The following SYNJ1 variants were observed in gnomAD, a reference collection of about 807,000 sequenced individuals.
The protein encoded by SYNJ1 is polyphosphatidylinositol phosphatase SYNJ1.
Under a neutral mutation model 168.2 loss-of-function variants are expected in SYNJ1, and 78 were observed. The ratio of observed to expected loss-of-function variants is 0.46; its 90% CI spans 0.39 to 0.56. The LOEUF (loss-of-function observed/expected upper bound fraction) is 0.56. Ranked by LOEUF, SYNJ1 falls within the 20% of genes least tolerant of loss-of-function variation. The pLI, the probability that SYNJ1 is intolerant of heterozygous loss-of-function variation, is 0.00. For missense variants in SYNJ1, 1,303 were observed against 1,597.6 expected (o/e 0.82, Z 3.14); for synonymous variants, 539 against 548.6 (o/e 0.98, Z 0.24).
chr21:32,721,943 T>C (rs1157924061), intron 2 of SYNJ1, among the ~76,000 whole-genome samples: 1 of 151,944 alleles, frequency 6.6e-6, no homozygotes, highest in African/African-American at 2.4e-5. Flanking sequence ...CCCAGCACTT[T>C]GGGAGGCCAA....
intron 15 of SYNJ1, among the ~76,000 whole-genome samples, chr21:32,668,901 C>T (rs1347002012): frequency 6.6e-6 from 1 of 152,038 alleles, no homozygotes; most frequent in Non-Finnish European, 1.5e-5. Context: ...GCAAAAGCAA[C>T]AATGGGTAAA....
At chr21:32,722,366 A>G (rs1459481987) in intron 2 of SYNJ1, among the ~76,000 whole-genome samples, 3 of 151,996 alleles carry the variant, frequency 2.0e-5, no homozygotes, top group Admixed American at 6.6e-5. Flanking sequence ...CCTGGCCAAC[A>G]TGGTGAAGCC....
intron 2 of SYNJ1, 21 bp downstream of exon 2, chr21:32,726,751 G>A (rs749048502): frequency 3.1e-6 from 5 of 1,611,744 alleles, no homozygotes; most frequent in Non-Finnish European, 3.4e-6. Flanking sequence ...ATGACAAATT[G>A]GGCTCTAACA....
chr21:32,705,745 G>A (rs2042583657), intron 2 of SYNJ1, among the ~76,000 whole-genome samples: 1 of 152,080 alleles, frequency 6.6e-6, no homozygotes, highest in Non-Finnish European at 1.5e-5. Context: ...CAGCACTTCG[G>A]GAAGCTGATG....
At chr21:32,653,465 G>T (rs2040348493) in intron 21 of SYNJ1, 99 bp from the exon 22 acceptor site, 1 of 952,970 alleles carries the variant, frequency 1.0e-6, no homozygotes, top group Admixed American at 2.3e-5. Flanking sequence ...GGCCACAAGA[G>T]GCCAGGAAGT....
chr21:32,700,917 G>T (rs2042377416), intron 3 of SYNJ1, among the ~76,000 whole-genome samples: 1 of 152,094 alleles, frequency 6.6e-6, no homozygotes, highest in African/African-American at 2.4e-5. Flanking sequence ...CTTTCACAGA[G>T]ATTTTTTTCA....
intron 18 of SYNJ1, among the ~76,000 whole-genome samples, chr21:32,661,146 AG>A (rs1258186053): frequency 6.6e-6 from 1 of 152,222 alleles, no homozygotes; most frequent in African/African-American, 2.4e-5. Context: ...AGTTGCTGAG[AG>A]CCACAGTCGT....
At chr21:32,678,615 A>C in intron 12 of SYNJ1, 30 bp downstream of exon 12, 1 of 1,515,610 alleles carries the variant, frequency 6.6e-7, no homozygotes, top group African/African-American at 1.7e-5. Context: ...TAGGAATATA[A>C]ATAACAAATA....
At chr21:32,721,569 CT>C (rs886262744) in intron 2 of SYNJ1, among the ~76,000 whole-genome samples, 7 of 151,850 alleles carry the variant, frequency 4.6e-5, no homozygotes, top group African/African-American at 1.7e-4. Flanking sequence ...GTCCCAGCTA[CT>C]CAGGAGGCTG....
chr21:32,670,063 C>A (rs2041129130), intron 15 of SYNJ1, among the ~76,000 whole-genome samples: 1 of 152,004 alleles, frequency 6.6e-6, no homozygotes, highest in Non-Finnish European at 1.5e-5. Context: ...CCTAATATAA[C>A]AAAGATATAA....
At position 32,639,188 on chromosome 21, in the gene SYNJ1, T is replaced by A. The variant is rs916967434; in HGVS notation, c.3698-63A>T. ...TAGAAAACCATGTTTTTTTCCTTCTTTAGTGAAATGTTAGGAGAACATTCT... is the reference window on the plus strand; with the variant it reads ...TAGAAAACCATGTTTTTTTCCTTCTATAGTGAAATGTTAGGAGAACATTCT... On this transcript the variant is annotated intron_variant, in intron 30 of 32. Transcript: ENST00000674351. 2.1e-6 allele frequency: 3 copies of A among 1,460,318 alleles called. No homozygotes were observed. The African/African-American group carries it at 4.2e-5, about 21-fold the overall frequency. 90.5% of individuals were successfully genotyped at this position (1,460,318 alleles called of 1,614,324 possible). A position where few individuals can be genotyped will look rare whatever the true frequency, so the allele number is the denominator to read the frequency against.
intron 11 of SYNJ1, 97 bp downstream of exon 11, chr21:32,681,399 T>C (rs1601402681): frequency 2.2e-6 from 3 of 1,373,962 alleles, no homozygotes; most frequent in African/African-American, 2.9e-5. Context: ...CATCTATTAA[T>C]TTAAACCATC....
intron 4 of SYNJ1, among the ~76,000 whole-genome samples, chr21:32,699,563 G>A (rs116786380): frequency 1.5e-3 from 231 of 152,216 alleles, no homozygotes; most frequent in African/African-American, 5.0e-3. Context: ...GAGGAGTTCC[G>A]GGGCATTCTT....
chr21:32,643,283 GAGA>G, intron 27 of SYNJ1, 124 bp downstream of exon 27: 1 of 920,526 alleles, frequency 1.1e-6, no homozygotes, highest in Non-Finnish European at 1.7e-6. Context: ...GGAGGGGAAA[GAGA>G]AGTTTACAGC....
At chr21:32,660,624 C>T (rs1099464) in intron 18 of SYNJ1, among the ~76,000 whole-genome samples, 82,640 of 138,376 alleles carry the variant, frequency 0.6, 21,870 homozygotes, top group East Asian at 0.62. Context: ...TAACTTTGAA[C>T]GCTGTCATTG....
intron 2 of SYNJ1, among the ~76,000 whole-genome samples, chr21:32,725,803 C>T (rs11701149): frequency 0.24 from 36,605 of 151,944 alleles, 4,493 homozygotes; most frequent in East Asian, 0.35. Context: ...GATTATTTGC[C>T]TAAATCATAT....
chr21:32,693,308 T>C (rs548665417), intron 6 of SYNJ1, among the ~76,000 whole-genome samples: 3 of 152,294 alleles, frequency 2.0e-5, no homozygotes, highest in Non-Finnish European at 4.4e-5. Flanking sequence ...GATATATCTA[T>C]TTACGTTATC....
Position 32,631,115 on chromosome 21 carries a change from C to G in SYNJ1, c.*690G>C. 1.2e-6 allele frequency: 2 copies of G among 1,614,138 alleles called. No homozygotes were observed. Among genetic ancestry groups the G allele is most frequent in the Non-Finnish European group, 1.7e-6 (2 of 1,180,022 alleles). On this transcript the variant is annotated 3_prime_UTR_variant, in exon 33 of 33. Transcript: ENST00000674351. Reference sequence around the variant, plus strand: ...CAGGAGGTGGAGGAGGTCTTCTTGACGGCAACACACAGAAGGAGACATTTG... The same window carrying G: ...CAGGAGGTGGAGGAGGTCTTCTTGAGGGCAACACACAGAAGGAGACATTTG...
Position 32,699,467 on chromosome 21 carries a change from T to A in SYNJ1, c.479+371A>T, listed in dbSNP as rs114779912. Among the ~76,000 whole-genome samples, 180 of 152,290 alleles carry A rather than the reference T, an allele frequency of 1.2e-3. 1 individual carries two copies. Among genetic ancestry groups the A allele is most frequent in the African/African-American group, 4.2e-3 (173 of 41,554 alleles). On this transcript the variant is annotated intron_variant, in intron 4 of 32. Coordinates refer to ENST00000674351, the MANE Select transcript of SYNJ1 (RefSeq NM_203446.3). The stretch of plus-strand genomic sequence containing the variant: ...TTATGCCTGCTCAGCTCTCAGGAAT[T>A]CCCCTTTGCCTTTTTCCTTCCTTAT...
Sources: gnomAD v4.1 joint callset for allele counts (sites outside exome capture counted in the v4.1 genomes callset) on GRCh38, gnomAD v4.1.1 for gene constraint, MANE v1.5 for transcripts, NCBI Gene and HGNC (gene_info 2026-07-23, HGNC 2026-07-21) for gene names.